The following ARID1B variants were observed in gnomAD, a reference collection of about 807,000 sequenced individuals.
ARID1B encodes AT-rich interaction domain 1B, also known as AT-rich interactive domain-containing protein 1B.
A neutral mutation model predicts 212.3 loss-of-function variants in ARID1B; 30 were observed. The ratio of observed to expected loss-of-function variants is 0.14; its 90% CI spans 0.11 to 0.19. ARID1B has a LOEUF of 0.19. Ranked by LOEUF, ARID1B falls within the 10% of genes least tolerant of loss-of-function variation. The pLI is 1.00. For missense variants in ARID1B, 2,891 were observed against 3,204.0 expected, an observed-to-expected ratio of 0.90 and a Z score of 2.36; for synonymous variants, 1,402 against 1,301.7, an observed-to-expected ratio of 1.08 and a Z score of -1.66.
intron 2 of ARID1B, among the ~76,000 whole-genome samples, chr6:156,842,388 T>G (rs1270705610): frequency 6.6e-6 from 1 of 152,342 alleles, no homozygotes; most frequent in South Asian, 2.1e-4. Flanking sequence ...GTGTCTGGCT[T>G]TTTTCAGTTA....
intron 1 of ARID1B, among the ~76,000 whole-genome samples, chr6:156,819,775 G>A (rs931866910): frequency 6.6e-5 from 10 of 152,212 alleles, no homozygotes; most frequent in Non-Finnish European, 8.8e-5. Context: ...GATCCTGCCC[G>A]GGCCTGGAGT....
intron 4 of ARID1B, among the ~76,000 whole-genome samples, chr6:156,971,625 A>G (rs1776932727): frequency 6.6e-6 from 1 of 152,198 alleles, no homozygotes; most frequent in Non-Finnish European, 1.5e-5. Context: ...AGAATCTCCT[A>G]AGGCTGATAT....
chr6:156,893,045 C>CTTTTCTTTTTTTTTTTTTTTTTTTT (rs1554263985), intron 2 of ARID1B, among the ~76,000 whole-genome samples: 2 of 85,924 alleles, frequency 2.3e-5, no homozygotes, highest in African/African-American at 9.4e-5. Context: ...TTTTTTCTTC[C>CTTTTCTTTTTTTTTTTTTTTTTTTT]TTTTTTTTTT....
chr6:156,953,628 G>A (rs768054690), intron 4 of ARID1B, among the ~76,000 whole-genome samples: 77 of 152,142 alleles, frequency 5.1e-4, no homozygotes, highest in Non-Finnish European at 6.6e-4. Context: ...ATGTGGTACC[G>A]TCCGCCTCAT....
At chr6:156,929,028 A>C (rs1340046331) in intron 3 of ARID1B, among the ~76,000 whole-genome samples, 1 of 152,184 alleles carries the variant, frequency 6.6e-6, no homozygotes, top group African/African-American at 2.4e-5. Flanking sequence ...AAATGAAGAG[A>C]TATCCATCAC....
intron 4 of ARID1B, among the ~76,000 whole-genome samples, chr6:157,004,092 A>G (rs780221858): frequency 6.6e-6 from 1 of 152,040 alleles, no homozygotes; most frequent in Non-Finnish European, 1.5e-5. Context: ...TTTTGTAGAG[A>G]TGAGGTCTGG....
chr6:157,168,643 A>C (rs1255274225), intron 9 of ARID1B: 3 of 152,240 alleles, frequency 2.0e-5, no homozygotes, highest in African/African-American at 7.2e-5. Context: ...AACAACCAAC[A>C]ACAAGCAGAT....
rs139903653 is a variant in ARID1B at position 157,201,034 on chromosome 6, C to T, written c.4809C>T (p.Gly1603=). 5.2e-5 allele frequency: 84 copies of T among 1,613,838 alleles called. 1 individual carries two copies. The African/African-American group carries it at 8.7e-4, about 17-fold the overall frequency. ...DMPYPYQNRQ[G]PGGPTQAPPY... is the part of the protein sequence containing the mutation. ...CTTATCCCTACCAGAACAGGCAGGGCCCTGGCGGCCCTACACAGGCGCCCC... is the reference window on the plus strand; with the variant it reads ...CTTATCCCTACCAGAACAGGCAGGGTCCTGGCGGCCCTACACAGGCGCCCC... Residue 1603 remains glycine (G), a synonymous_variant, in exon 18 of 20, where the codon GGC becomes GGT. Coordinates refer to ENST00000636930, the MANE Select transcript of ARID1B (RefSeq NM_001374828.1). This position sits in a 1 kb window ranked among gnomAD's most constrained non-coding sequence, Gnocchi z 5.2.
At chr6:156,846,759 C>T (rs1784262247) in intron 2 of ARID1B, among the ~76,000 whole-genome samples, 1 of 152,140 alleles carries the variant, frequency 6.6e-6, no homozygotes, top group Non-Finnish European at 1.5e-5. Flanking sequence ...CCTGCTGTGG[C>T]CCCTCCAGAT....
intron 6 of ARID1B, among the ~76,000 whole-genome samples, chr6:157,126,770 T>G (rs1200048829): frequency 6.6e-6 from 1 of 152,188 alleles, no homozygotes; most frequent in Non-Finnish European, 1.5e-5. Flanking sequence ...TCAATATACT[T>G]TCACAATATA....
chr6:156,991,034 C>A (rs1778246528), intron 4 of ARID1B, among the ~76,000 whole-genome samples: 1 of 152,104 alleles, frequency 6.6e-6, no homozygotes, highest in African/African-American at 2.4e-5. Flanking sequence ...CATGACATTC[C>A]TATGAGGGCT....
intron 4 of ARID1B, among the ~76,000 whole-genome samples, chr6:157,078,002 C>G (rs1481358304): frequency 1.3e-5 from 2 of 152,088 alleles, no homozygotes; most frequent in East Asian, 3.8e-4. Context: ...CATCATTGTT[C>G]CTGGAATAAT....
intron 5 of ARID1B, 32 bp from the exon 6 acceptor site, chr6:157,110,440 C>T (rs1365871943): frequency 2.5e-6 from 4 of 1,600,706 alleles, no homozygotes; most frequent in Non-Finnish European, 3.4e-6. Context: ...AAAGGGTTCC[C>T]CCATCTCCAC....
chr6:156,943,905 G>A (rs1186967599), intron 4 of ARID1B: 1 of 152,096 alleles, frequency 6.6e-6, no homozygotes, highest in Non-Finnish European at 1.5e-5. Flanking sequence ...ATAATGACTT[G>A]TATGGAAGAA....
rs1794416656 is a variant in ARID1B at position 157,206,044 on chromosome 6, G to T, written c.5395-123G>T. 1 of 1,127,844 alleles carries T rather than the reference G, an allele frequency of 8.9e-7. No homozygotes were observed. Among genetic ancestry groups the T allele is most frequent in the African/African-American group, 1.6e-5 (1 of 64,464 alleles). The allele number at this position is 1,127,844 out of a possible 1,614,324, so 69.9% of individuals were successfully genotyped here. On this transcript the variant is annotated intron_variant, in intron 19 of 19. Transcript: ENST00000636930. This position sits in a 1 kb window ranked among gnomAD's most constrained non-coding sequence, Gnocchi z 6.8. ...CTTTCATGGTCCAGCCAAAAAGGGA[G>T]ACAAACGTGTGACAATGATGGAAAG...
intron 4 of ARID1B, among the ~76,000 whole-genome samples, chr6:157,068,112 G>A (rs548510381): frequency 6.6e-6 from 1 of 152,164 alleles, no homozygotes. Context: ...TTCACAATTT[G>A]GTTCTCTTAT....
intron 1 of ARID1B, among the ~76,000 whole-genome samples, chr6:156,802,130 C>T (rs541128019): frequency 3.3e-5 from 5 of 152,328 alleles, no homozygotes; most frequent in East Asian, 1.9e-4. Flanking sequence ...CTTGTCTTCA[C>T]GAGGAGACCT....
At chr6:156,982,393 T>A (rs1165261223) in intron 4 of ARID1B, among the ~76,000 whole-genome samples, 1 of 151,872 alleles carries the variant, frequency 6.6e-6, no homozygotes, top group African/African-American at 2.4e-5. Flanking sequence ...TCGCCTGTGA[T>A]GCCCGAAATA....
At chr6:156,950,589 G>T (rs1474377319) in intron 4 of ARID1B, among the ~76,000 whole-genome samples, 2 of 132,942 alleles carry the variant, frequency 1.5e-5, no homozygotes, top group African/African-American at 7.0e-5. Context: ...GTTGTTGTGG[G>T]CCAGGTGGTA....
Sources: gnomAD v4.1 joint callset for allele counts (sites outside exome capture counted in the v4.1 genomes callset) on GRCh38, gnomAD v4.1.1 for gene constraint, Gnocchi (gnomAD v3.1) non-coding constraint, MANE v1.5 for transcripts, NCBI Gene and HGNC (gene_info 2026-07-23, HGNC 2026-07-21) for gene names.